Variants in EDIL3 observed in about 807,000 individuals in gnomAD.
EDIL3 encodes EGF-like repeat and discoidin I-like domain-containing protein 3.
Under a neutral mutation model 67.4 loss-of-function variants are expected in EDIL3, and 37 were observed. The ratio of observed to expected loss-of-function variants is 0.55; its 90% confidence interval spans 0.42 to 0.72. The LOEUF (loss-of-function observed/expected upper bound fraction) is 0.72, where lower values mean the gene tolerates loss of function less well. Ranked by LOEUF, EDIL3 falls within the 30% of genes least tolerant of loss-of-function variation. The probability of loss-of-function intolerance (pLI) is 0.00; values close to 1 mark genes in which losing one functional copy is unlikely to be tolerated. For missense variants in EDIL3, 527 were observed against 586.3 expected (o/e 0.90, Z 1.04); for synonymous variants, 195 against 196.3 (o/e 0.99, Z 0.05).
At chr5:83,978,543 G>T (rs1233715958) in intron 9 of EDIL3, among the ~76,000 whole-genome samples, 2 of 151,924 alleles carry the variant, frequency 1.3e-5, no homozygotes, top group African/African-American at 2.4e-5. Flanking sequence ...TAGATAATTT[G>T]CTGCATGGCT....
intron 4 of EDIL3, among the ~76,000 whole-genome samples, chr5:84,143,074 T>A (rs1447024540): frequency 6.6e-6 from 1 of 152,058 alleles, no homozygotes; most frequent in Non-Finnish European, 1.5e-5. Context: ...TATTTTTCCT[T>A]ATTTAAAGCC....
At chr5:84,152,126 G>A (rs935522470) in intron 4 of EDIL3, among the ~76,000 whole-genome samples, 10 of 151,734 alleles carry the variant, frequency 6.6e-5, no homozygotes, top group African/African-American at 2.4e-4. Context: ...CACCATGTTG[G>A]CCAGGCTGGT....
chr5:84,014,719 A>T (rs1178140803), intron 9 of EDIL3, among the ~76,000 whole-genome samples: 1 of 152,214 alleles, frequency 6.6e-6, no homozygotes, highest in Non-Finnish European at 1.5e-5. Flanking sequence ...CTAATGTGAT[A>T]TAAAATGAAA....
intron 1 of EDIL3, among the ~76,000 whole-genome samples, chr5:84,283,774 T>A (rs1346667311): frequency 1.3e-5 from 2 of 152,198 alleles, no homozygotes; most frequent in Non-Finnish European, 2.9e-5. Context: ...TCTGTAAGCT[T>A]TTTTGTTTGT....
At chr5:84,160,832 CTTTCCT>C (rs1561449495) in intron 4 of EDIL3, among the ~76,000 whole-genome samples, 2 of 111,362 alleles carry the variant, frequency 1.8e-5, no homozygotes, top group Admixed American at 1.2e-4. Context: ...TTTCCTTTTC[CTTTCCT>C]TTTCCTTTCC....
At chr5:84,221,274 G>T (rs1744335904) in intron 3 of EDIL3, among the ~76,000 whole-genome samples, 1 of 151,998 alleles carries the variant, frequency 6.6e-6, no homozygotes, top group African/African-American at 2.4e-5. Context: ...TTTACAGTCT[G>T]GGGGCAAGAT....
intron 9 of EDIL3, among the ~76,000 whole-genome samples, chr5:83,979,403 C>T (rs191928194): frequency 9.2e-5 from 14 of 152,144 alleles, no homozygotes; most frequent in Admixed American, 5.9e-4. Flanking sequence ...TCAGGAATTG[C>T]ACTCCTAGAC....
chr5:84,181,970 G>C (rs576039191), intron 3 of EDIL3, among the ~76,000 whole-genome samples: 1 of 152,186 alleles, frequency 6.6e-6, no homozygotes, highest in East Asian at 1.9e-4. Context: ...GAGCCCTAGA[G>C]GATTTGTTCA....
chr5:84,356,496 A>G (rs1404195843), intron 1 of EDIL3, among the ~76,000 whole-genome samples: 1 of 152,218 alleles, frequency 6.6e-6, no homozygotes, highest in Non-Finnish European at 1.5e-5. Flanking sequence ...AGTATTCTGC[A>G]TAACGATCAC....
chr5:84,153,900 T>C (rs1450995412), intron 4 of EDIL3, among the ~76,000 whole-genome samples: 1 of 152,192 alleles, frequency 6.6e-6, no homozygotes, highest in African/African-American at 2.4e-5. Flanking sequence ...TACTCATGTA[T>C]TTATTTCTCA....
At position 84,208,895 on chromosome 5, in the gene EDIL3, A is replaced by C. The variant is rs1262058681; in HGVS notation, c.226+20960T>G. 4.6e-5 allele frequency among the ~76,000 whole-genome samples: 7 copies of C among 152,144 alleles called. No individual in the cohort carries two copies. The South Asian group carries it at 1.0e-3, about 23-fold the overall frequency. ...ACTGGGTATATACCCAAAGGACTAT[A>C]AATCATGCTGCTATAAAGACACATG... On this transcript the variant is annotated intron_variant, in intron 3 of 10. Transcript: ENST00000296591.
intron 10 of EDIL3, among the ~76,000 whole-genome samples, chr5:83,944,666 C>G (rs1744282277): frequency 6.6e-6 from 1 of 151,544 alleles, no homozygotes; most frequent in East Asian, 1.9e-4. Flanking sequence ...TATTTTATAT[C>G]TACATTTTTA....
At chr5:83,992,639 C>T (rs554425373) in intron 9 of EDIL3, among the ~76,000 whole-genome samples, 1 of 152,164 alleles carries the variant, frequency 6.6e-6, no homozygotes, top group South Asian at 2.1e-4. Context: ...CTTTAAGTTA[C>T]CGTATCAGTG....
intron 2 of EDIL3, among the ~76,000 whole-genome samples, chr5:84,243,992 C>T (rs1744857263): frequency 1.3e-5 from 2 of 152,136 alleles, no homozygotes; most frequent in South Asian, 4.1e-4. Flanking sequence ...AATAAGTTGT[C>T]TTACAGTACA....
At chr5:84,320,417 G>A (rs530275702) in intron 1 of EDIL3, among the ~76,000 whole-genome samples, 10 of 151,974 alleles carry the variant, frequency 6.6e-5, no homozygotes, top group Admixed American at 4.6e-4. Context: ...ACATTTTAAC[G>A]GCTTCCCAGG....
chr5:84,217,766 C>CCT (rs1172793653), intron 3 of EDIL3, among the ~76,000 whole-genome samples: 1 of 95,774 alleles, frequency 1.0e-5, no homozygotes, highest in African/African-American at 3.8e-5. Context: ...ACACACACAT[C>CCT]CTTCTGGTTC....
At chr5:84,282,435 G>T (rs564526636) in intron 1 of EDIL3, among the ~76,000 whole-genome samples, 1 of 152,084 alleles carries the variant, frequency 6.6e-6, no homozygotes, top group Non-Finnish European at 1.5e-5. Flanking sequence ...GTTTTACCCA[G>T]AAAACTTCAA....
intron 6 of EDIL3, among the ~76,000 whole-genome samples, chr5:84,104,414 A>G (rs1451189382): frequency 1.3e-5 from 2 of 151,954 alleles, no homozygotes; most frequent in Non-Finnish European, 2.9e-5. Flanking sequence ...GAAAATTGGT[A>G]AAGTTTTGTA....
At chr5:84,357,072 C>T (rs1302911624) in intron 1 of EDIL3, among the ~76,000 whole-genome samples, 1 of 151,154 alleles carries the variant, frequency 6.6e-6, no homozygotes, top group Non-Finnish European at 1.5e-5. Context: ...TTACAGGCAC[C>T]CACCACCACA....
Sources: allele counts gnomAD v4.1 joint callset (sites outside exome capture counted in the v4.1 genomes callset), GRCh38; gene constraint gnomAD v4.1.1; transcripts MANE v1.5; gene names NCBI Gene and HGNC (gene_info 2026-07-23, HGNC 2026-07-21).